The following NSF variants were observed in gnomAD, a reference collection of about 807,000 sequenced individuals.
NSF encodes the protein N-ethylmaleimide sensitive factor, vesicle fusing ATPase.
NSF carries 14 observed loss-of-function variants against 50.3 expected under a neutral mutation model. That is an observed-to-expected ratio of 0.28 (90% confidence interval 0.18 to 0.44). The LOEUF (loss-of-function observed/expected upper bound fraction) is 0.44. Ranked by LOEUF, NSF falls within the 20% of genes least tolerant of loss-of-function variation. NSF has a pLI of 1.00. For synonymous variants in NSF, 109 were observed against 175.7 expected (o/e 0.62, Z 3.00); for missense variants, 218 against 504.3 (o/e 0.43, Z 5.44).
At chr17:46,734,376 G>T (rs988972718) in intron 17 of NSF, among the ~76,000 whole-genome samples, 11 of 151,732 alleles carry the variant, frequency 7.2e-5, no homozygotes, top group African/African-American at 2.4e-4. Context: ...CTTTTGCATT[G>T]GGCTTCATTT....
rs2059178785 is a variant in NSF, at chr17:46,751,168, T to C, written c.2044-335T>C. Among the ~76,000 whole-genome samples the C allele has an allele frequency of 2.0e-5, 3 of 152,146 alleles. No individual in the cohort carries two copies. The South Asian group carries it at 6.2e-4, about 31-fold the overall frequency. On this transcript the variant is annotated intron_variant, in intron 18 of 20. Transcript: ENST00000398238. ...AAGCTGGGTAAGAGAATTAAAGGAGTTTGCTTTGACACATACAGATTGTTC... is the reference window on the plus strand; with the variant it reads ...AAGCTGGGTAAGAGAATTAAAGGAGCTTGCTTTGACACATACAGATTGTTC...
intron 4 of NSF, among the ~76,000 whole-genome samples, chr17:46,631,219 C>T (rs1169624605): frequency 8.8e-5 from 12 of 135,952 alleles, no homozygotes; most frequent in African/African-American, 2.9e-4. Context: ...GATGGAGTCT[C>T]GCTCTGTTGC....
Position 46,737,035 on chromosome 17 carries a change from C to A in NSF, c.1908+8101C>A, listed in dbSNP as rs896124857. ...AGTTTCTTTTTCACCAAAAATATTT[C>A]TTTTGACATAGAAGTTTAAAACATT... On this transcript the variant is annotated intron_variant, in intron 17 of 20. Transcript: ENST00000398238. Among the ~76,000 whole-genome samples, 4 of 152,130 alleles carry A rather than the reference C, an allele frequency of 2.6e-5. No homozygotes were observed. The South Asian group carries it at 6.2e-4, about 24-fold the overall frequency.
chr17:46,703,696 A>C (rs1254216323), intron 12 of NSF, among the ~76,000 whole-genome samples: 61 of 151,430 alleles, frequency 4.0e-4, no homozygotes, highest in African/African-American at 8.7e-4. Context: ...AAAAAAAAAA[A>C]AAAAAAAACA....
intron 15 of NSF, among the ~76,000 whole-genome samples, chr17:46,718,969 A>T (rs1361334762): frequency 1.3e-5 from 2 of 152,218 alleles, no homozygotes; most frequent in African/African-American, 2.4e-5. Context: ...CAAAACTCTT[A>T]GGTAAAAAAT....
chr17:46,613,104 C>CAA (rs143175659), intron 1 of NSF, among the ~76,000 whole-genome samples: 4 of 33,092 alleles, frequency 1.2e-4, no homozygotes, highest in Non-Finnish European at 1.9e-4. Flanking sequence ...CTTGTTTCTA[C>CAA]AAAAAAAAAA....
At chr17:46,715,770 T>C (rs2058761969) in intron 15 of NSF, among the ~76,000 whole-genome samples, 1 of 152,206 alleles carries the variant, frequency 6.6e-6, no homozygotes, top group Admixed American at 6.5e-5. Flanking sequence ...AAATTAATGG[T>C]TTAATAACTT....
intron 19 of NSF, among the ~76,000 whole-genome samples, chr17:46,752,617 A>G (rs970202409): frequency 6.6e-6 from 1 of 152,014 alleles, no homozygotes; most frequent in Non-Finnish European, 1.5e-5. Context: ...TACCACACTC[A>G]ACTAATTTTT....
At chr17:46,615,718 CAAA>C (rs148187272) in intron 1 of NSF, among the ~76,000 whole-genome samples, 2 of 49,492 alleles carry the variant, frequency 4.0e-5, no homozygotes. Context: ...CCTTGCCTCA[CAAA>C]AAAAAAAAAA....
At chr17:46,746,404 A>G (rs2059129612) in intron 17 of NSF, among the ~76,000 whole-genome samples, 1 of 152,194 alleles carries the variant, frequency 6.6e-6, no homozygotes, top group African/African-American at 2.4e-5. Flanking sequence ...AATGAGTAAC[A>G]TTGAGAAAGG....
At chr17:46,711,145 T>A (rs755799134) in intron 14 of NSF, 26 bp downstream of exon 14, 1 of 1,469,600 alleles carries the variant, frequency 6.8e-7, no homozygotes, top group Non-Finnish European at 9.0e-7. Context: ...GAGATGGCAT[T>A]AAAAGTTAAA....
chr17:46,749,159 T>C (rs2059158841), intron 17 of NSF, among the ~76,000 whole-genome samples: 1 of 152,146 alleles, frequency 6.6e-6, no homozygotes, highest in Non-Finnish European at 1.5e-5. Context: ...GCCAAGAGAA[T>C]TGAAAATGGT....
At chr17:46,638,953 C>T (rs932251921) in intron 5 of NSF, among the ~76,000 whole-genome samples, 1 of 30,236 alleles carries the variant, frequency 3.3e-5, no homozygotes, top group African/African-American at 1.9e-4. Context: ...CACTGCAGAT[C>T]GGCAGTGAAC....
Position 46,748,703 on chromosome 17 carries a change from G to A in NSF, c.1909-1070G>A, listed in dbSNP as rs188777109. On this transcript the variant is annotated intron_variant, in intron 17 of 20. Coordinates refer to ENST00000398238, the MANE Select transcript of NSF (RefSeq NM_006178.4). ...ACTGTGAACACACAGGACTCCTGGA[G>A]GGGAATTTCTTCAAGAACACAACTT... 3.8e-3 allele frequency among the ~76,000 whole-genome samples: 586 copies of A among 152,308 alleles called. 5 individuals carry two copies. The highest frequency in any genetic ancestry group is 0.012 in the African/African-American group (503 of 41,558).
At chr17:46,742,740 T>C (rs1018907472) in intron 17 of NSF, among the ~76,000 whole-genome samples, 6 of 152,114 alleles carry the variant, frequency 3.9e-5, no homozygotes, top group Non-Finnish European at 8.8e-5. Context: ...CATGCCATGC[T>C]GAGTACTGCA....
intron 13 of NSF, among the ~76,000 whole-genome samples, chr17:46,708,823 T>TG (rs368512144): frequency 1.7e-5 from 1 of 59,630 alleles, no homozygotes; most frequent in South Asian, 7.1e-4. Flanking sequence ...TATATATATA[T>TG]TTTTTTTTTT....
intron 9 of NSF, among the ~76,000 whole-genome samples, chr17:46,684,774 T>TA (rs953248028): frequency 9.4e-5 from 12 of 128,328 alleles, no homozygotes; most frequent in South Asian, 2.9e-4. Flanking sequence ...GTAAAAATCC[T>TA]AAAAAAAACC....
chr17:46,709,073 T>A (rs751552590), intron 13 of NSF, among the ~76,000 whole-genome samples: 1 of 151,962 alleles, frequency 6.6e-6, no homozygotes, highest in Non-Finnish European at 1.5e-5. Context: ...TCCACCCACC[T>A]TGGCCTCCCA....
chr17:46,708,127 T>C (rs1337471237), intron 13 of NSF, among the ~76,000 whole-genome samples: 1 of 152,194 alleles, frequency 6.6e-6, no homozygotes, highest in African/African-American at 2.4e-5. Flanking sequence ...ACGTTTTGGC[T>C]ATTTTGAGTA....
Sources: gnomAD v4.1 joint callset for allele counts (sites outside exome capture counted in the v4.1 genomes callset) on GRCh38, gnomAD v4.1.1 for gene constraint, MANE v1.5 for transcripts, NCBI Gene and HGNC (gene_info 2026-07-23, HGNC 2026-07-21) for gene names.